SEMA3B: variants seen among roughly 807,000 people sequenced by gnomAD.
SEMA3B encodes semaphorin-3B.
A neutral mutation model predicts 77.8 loss-of-function variants in SEMA3B; 71 were observed. The ratio of observed to expected loss-of-function variants is 0.91; its 90% CI spans 0.75 to 1.11. SEMA3B has a LOEUF of 1.11. Among genes scored for constraint, SEMA3B ranks in the 50% most tolerant of loss-of-function variants. The probability of loss-of-function intolerance (pLI) is 0.00; values close to 1 mark genes in which losing one functional copy is unlikely to be tolerated. For missense variants in SEMA3B, 968 were observed against 1,056.8 expected (o/e 0.92, Z 1.17); for synonymous variants, 470 against 452.9 (o/e 1.04, Z -0.48).
chr3:50,269,192 C>T lies in SEMA3B; in HGVS notation c.-49C>T, dbSNP rs1553704891. ...GGGCAGAGTCCAGGGCAGCTCAAGG[C>T]TCCTCCACACACACACCCGCTGAAC... On this transcript the variant is annotated 5_prime_UTR_variant, in exon 1 of 17. Transcript: ENST00000616701. This position sits in a 1 kb window ranked among gnomAD's most constrained non-coding sequence, Gnocchi z 4.0. The T allele has an allele frequency of 1.5e-6, 2 of 1,361,434 alleles. No individual in the cohort carries two copies. The highest frequency in any genetic ancestry group is 1.4e-5 in the African/African-American group (1 of 69,784). The allele number at this position is 1,361,434 out of a possible 1,614,324, so 84.3% of individuals were successfully genotyped here. A position where few individuals can be genotyped will look rare whatever the true frequency, so the allele number is the denominator to read the frequency against.
In SEMA3B at chr3:50,276,573, C is replaced by G; in HGVS notation, c.2117C>G (p.Ser706Cys). The G allele has an allele frequency of 6.5e-7, 1 of 1,549,536 alleles. No homozygotes were observed. Among genetic ancestry groups the G allele is most frequent in the Non-Finnish European group, 8.7e-7 (1 of 1,152,966 alleles). The change falls in exon 17 of 17, where the codon TCC becomes TGC. Residue 706 changes from serine to cysteine, a missense_variant. Physicochemically the swap from Ser to Cys is moderately radical, Grantham distance 112. Transcript: ENST00000616701. The surrounding 1 kb of genome is among the most constrained non-coding windows in gnomAD (Gnocchi z 5.8). ...CCGGGCGGAGGTGGCAGCGCGAACT[C>G]CCTGCGCATGTGCCGCCCGCAGCCT... ...VEPGGGGSAN[S>C]LRMCRPQPAL...
chr3:50,275,294 C>G lies in SEMA3B; in HGVS notation c.1492-8C>G. The G allele has an allele frequency of 6.5e-7, 1 of 1,542,710 alleles. No individual in the cohort carries two copies. On this transcript the variant is annotated splice_region_variant and splice_polypyrimidine_tract_variant and intron_variant, in intron 13 of 16. Coordinates refer to ENST00000616701, the MANE Select transcript of SEMA3B (RefSeq NM_001290060.2). This position sits in a 1 kb window ranked among gnomAD's most constrained non-coding sequence, Gnocchi z 7.5. The stretch of plus-strand genomic sequence containing the variant: ...CTCGGTCAGCCCAGAGCCCCTCGTG[C>G]CCCCTAGCACCAGCTGTACGTAGCC...
chr3:50,269,200 C>A lies in SEMA3B; in HGVS notation c.-41C>A. On this transcript the variant is annotated 5_prime_UTR_variant, in exon 1 of 17. Transcript: ENST00000616701. This position sits in a 1 kb window ranked among gnomAD's most constrained non-coding sequence, Gnocchi z 4.0. ...TCCAGGGCAGCTCAAGGCTCCTCCA[C>A]ACACACACCCGCTGAACCCTGAGCA... The A allele has an allele frequency of 7.0e-7, 1 of 1,434,380 alleles. No individual in the cohort carries two copies. The highest frequency in any genetic ancestry group is 9.5e-7 in the Non-Finnish European group (1 of 1,054,298). 88.9% of individuals were successfully genotyped at this position (1,434,380 alleles called of 1,614,324 possible).
At chr3:50,268,893 T>C, upstream of SEMA3B, 2 of 299,642 alleles carry the variant, frequency 6.7e-6, no homozygotes, top group South Asian at 3.9e-5. Flanking sequence ...ACATTGTGAA[T>C]TAATGTCTGT....
rs782242277 is a variant in SEMA3B at position 50,276,397 on chromosome 3, C to G, written c.1941C>G (p.Val647=). The change falls in exon 17 of 17, where the codon GTC becomes GTG. Residue 647 remains valine, a synonymous_variant. Transcript: ENST00000616701. The surrounding 1 kb of genome is among the most constrained non-coding windows in gnomAD (Gnocchi z 5.8). ...CGGGCGTGTACTTGTGCGCCGCCGT[C>G]GAGCAGGGCTTTACGCAACCGCTGC... The part of the protein sequence containing the change: ...RDSGVYLCAA[V]EQGFTQPLRR... 7.8e-6 allele frequency: 12 copies of G among 1,536,510 alleles called. No homozygotes were observed. Among genetic ancestry groups the G allele is most frequent in the East Asian group, 2.5e-5 (1 of 40,766 alleles).
In SEMA3B at chr3:50,275,240, G is replaced by T; in HGVS notation, c.1492-62G>T. On this transcript the variant is annotated intron_variant, in intron 13 of 16. Coordinates refer to ENST00000616701, the MANE Select transcript of SEMA3B (RefSeq NM_001290060.2). The surrounding 1 kb of genome is among the most constrained non-coding windows in gnomAD (Gnocchi z 7.5). ...CTGTCGAGTGGAAGAAGGGATCCCT[G>T]ACCGATGGGAGGCAGGCGTGGGGTC... 6.8e-7 allele frequency: 1 copy of T among 1,473,486 alleles called. No individual in the cohort carries two copies. The allele number at this position is 1,473,486 out of a possible 1,614,324, so 91.3% of individuals were successfully genotyped here. A position where few individuals can be genotyped will look rare whatever the true frequency, so the allele number is the denominator to read the frequency against.
chr3:50,275,413 GC>G lies in SEMA3B; in HGVS notation c.1605del (p.Trp536GlyfsTer22). The G allele has an allele frequency of 5.6e-6, 9 of 1,600,768 alleles. No homozygotes were observed. The highest frequency in any genetic ancestry group is 7.7e-6 in the Non-Finnish European group (9 of 1,173,874). ...CTGTCTGGCGCGTGACCCCTACTGC[GC>G]CTGGGACGGGGTCGCGTGCACGCGC... ...ECCLARDPYC[A>X]WDGVACTRFQ... On this transcript the variant is annotated frameshift_variant, in exon 14 of 17. Coordinates refer to ENST00000616701, the MANE Select transcript of SEMA3B (RefSeq NM_001290060.2). LOFTEE classifies it high-confidence loss of function. This position sits in a 1 kb window ranked among gnomAD's most constrained non-coding sequence, Gnocchi z 7.5.
upstream of SEMA3B, among the ~76,000 whole-genome samples, chr3:50,265,766 T>C (rs116733481): frequency 5.2e-3 from 796 of 152,266 alleles, 8 homozygotes; most frequent in African/African-American, 0.018. Flanking sequence ...GGCAGTGACC[T>C]TGCTCCTGGA....
At position 50,274,104 on chromosome 3, in the gene SEMA3B, G is replaced by C; in HGVS notation, c.1137+47G>C. 6.3e-7 allele frequency: 1 copy of C among 1,590,062 alleles called. No homozygotes were observed. The highest frequency in any genetic ancestry group is 8.5e-7 in the Non-Finnish European group (1 of 1,172,808). On this transcript the variant is annotated intron_variant, in intron 10 of 16. Transcript: ENST00000616701. The surrounding 1 kb of genome is among the most constrained non-coding windows in gnomAD (Gnocchi z 4.7). ...GCTACAACCCACTTCAAAGCCTCAA[G>C]GGTTTGAGAACTTGGCCTGGGGTCT... is the stretch of plus-strand genomic sequence containing the variant.
rs1701104004 is a variant in SEMA3B at position 50,273,158 on chromosome 3, A to G, written c.665-140A>G. ...TCGGTCCGCGCAGAGCGCCAACTGG[A>G]CATGGTGCTAGAGGTTGGGTGGTCA... On this transcript the variant is annotated intron_variant, in intron 6 of 16. Coordinates refer to ENST00000616701, the MANE Select transcript of SEMA3B (RefSeq NM_001290060.2). The surrounding 1 kb of genome is among the most constrained non-coding windows in gnomAD (Gnocchi z 6.5). 5 of 1,293,536 alleles carry G rather than the reference A, an allele frequency of 3.9e-6. No individual in the cohort carries two copies. In the Admixed American group the frequency reaches 8.4e-5, roughly 22 times the overall value. The allele number at this position is 1,293,536 out of a possible 1,614,324, so 80.1% of individuals were successfully genotyped here. A position where few individuals can be genotyped will look rare whatever the true frequency, so the allele number is the denominator to read the frequency against.
In SEMA3B at chr3:50,271,427, T is replaced by C; in HGVS notation, c.611T>C (p.Leu204Pro). 6.3e-7 allele frequency: 1 copy of C among 1,587,568 alleles called. No individual in the cohort carries two copies. The highest frequency in any genetic ancestry group is 8.6e-7 in the Non-Finnish European group (1 of 1,167,060). The change falls in exon 6 of 17, where the codon CTA becomes CCA. Residue 204 changes from leucine to proline, a missense_variant. Leu to Pro is a moderately conservative substitution (Grantham distance 98, BLOSUM62 -3). Coordinates refer to ENST00000616701, the MANE Select transcript of SEMA3B (RefSeq NM_001290060.2). ...MGRDFTIFRS[L>P]GQRPSLRTEP... ...CGAGACTTTACCATCTTTCGCAGCC[T>C]AGGGCAACGTCCAAGTCTCCGAACA...
Position 50,275,031 on chromosome 3 carries a change from G to A in SEMA3B, c.1469G>A (p.Ser490Asn), listed in dbSNP as rs782282997. The A allele has an allele frequency of 2.5e-6, 4 of 1,580,904 alleles. No homozygotes were observed. The South Asian group carries it at 4.5e-5, about 18-fold the overall frequency. Residue 490 changes from serine to asparagine, a missense_variant, in exon 13 of 17, where the codon AGC (serine) becomes AAC (asparagine). By Grantham distance (46) the Ser-to-Asn change is conservative. Transcript: ENST00000616701. The surrounding 1 kb of genome is among the most constrained non-coding windows in gnomAD (Gnocchi z 7.5). ...HVFEDSAAVT[S>N]MQISSKRHQL... Reference sequence around the variant, plus strand: ...TCTCAGGACTCGGCCGCTGTCACCAGCATGCAAATTTCTTCCAAGAGGGTG... The same window carrying A: ...TCTCAGGACTCGGCCGCTGTCACCAACATGCAAATTTCTTCCAAGAGGGTG...
In SEMA3B at chr3:50,269,383, T is replaced by C; in HGVS notation, c.109+34T>C. On this transcript the variant is annotated intron_variant, in intron 1 of 16. Transcript: ENST00000616701. The surrounding 1 kb of genome is among the most constrained non-coding windows in gnomAD (Gnocchi z 4.0). ...ACCTGGCAGGCGGGAGGGCCCAGCT[T>C]GAGGTGGGCAGGAAAGGGTCCCCGT... The C allele has an allele frequency of 7.7e-7, 1 of 1,299,380 alleles. No homozygotes were observed. Among genetic ancestry groups the C allele is most frequent in the Non-Finnish European group, 1.0e-6 (1 of 962,624 alleles). 80.5% of individuals were successfully genotyped at this position (1,299,380 alleles called of 1,614,324 possible). A position where few individuals can be genotyped will look rare whatever the true frequency, so the allele number is the denominator to read the frequency against.
chr3:50,271,616 TCA>T, intron 6 of SEMA3B, 136 bp downstream of exon 6: 2 of 1,280,004 alleles, frequency 1.6e-6, no homozygotes, highest in Non-Finnish European at 2.1e-6. Context: ...GGCACTGGCG[TCA>T]CAGAGACAGA....
chr3:50,264,871 C>T (rs1324353551), upstream of SEMA3B, among the ~76,000 whole-genome samples: 4 of 152,046 alleles, frequency 2.6e-5, no homozygotes, highest in Non-Finnish European at 4.4e-5. Flanking sequence ...GGGGGGCTCC[C>T]GCATCCCAGA....
upstream of SEMA3B, among the ~76,000 whole-genome samples, chr3:50,264,698 G>C (rs959641051): frequency 1.8e-4 from 27 of 152,224 alleles, no homozygotes; most frequent in African/African-American, 6.5e-4. Flanking sequence ...TGTGCCCTCA[G>C]AGTCCACTTT....
rs371764580 is a variant in SEMA3B, at chr3:50,273,478, C to A, written c.810+35C>A. 1.1e-5 allele frequency: 18 copies of A among 1,609,930 alleles called. No individual in the cohort carries two copies. The highest frequency in any genetic ancestry group is 1.2e-5 in the Non-Finnish European group (14 of 1,177,114). ...CCCTGGGCCACACCCGGCGACCCTG[C>A]CCCTACCCCTTTGCCTGCCCTGGTC... On this transcript the variant is annotated intron_variant, in intron 7 of 16. Coordinates refer to ENST00000616701, the MANE Select transcript of SEMA3B (RefSeq NM_001290060.2). This position sits in a 1 kb window ranked among gnomAD's most constrained non-coding sequence, Gnocchi z 6.5.
Position 50,270,610 on chromosome 3 carries a change from G to GA in SEMA3B, c.330+116dup. On this transcript the variant is annotated intron_variant, in intron 3 of 16. Coordinates refer to ENST00000616701, the MANE Select transcript of SEMA3B (RefSeq NM_001290060.2). This position sits in a 1 kb window ranked among gnomAD's most constrained non-coding sequence, Gnocchi z 4.7. Reference sequence around the variant, plus strand: ...TGGCTGGGATGAGGGCAGGGAGGTCGAGGTGGCTGAGGTCTGGGGGTGGTG... The same window carrying GA: ...TGGCTGGGATGAGGGCAGGGAGGTCGAAGGTGGCTGAGGTCTGGGGGTGGTG... The GA allele has an allele frequency of 7.1e-7, 1 of 1,408,722 alleles. No homozygotes were observed. The allele number at this position is 1,408,722 out of a possible 1,614,324, so 87.3% of individuals were successfully genotyped here.
Position 50,273,978 on chromosome 3 carries a change from G to T in SEMA3B, c.1058G>T (p.Gly353Val). ...AACGACGTGCGCCGGGCCTTCTTGG[G>T]ACCCTTTGCACACAAGGAGGGGCCC... ...SMNDVRRAFLGPFAHKEGPMH... is the reference protein window; with the variant it reads ...SMNDVRRAFLVPFAHKEGPMH... The change falls in exon 10 of 17, where the codon GGA becomes GTA. Residue 353 changes from glycine (G) to valine (V), a missense_variant. Coordinates refer to ENST00000616701, the MANE Select transcript of SEMA3B (RefSeq NM_001290060.2). This position sits in a 1 kb window ranked among gnomAD's most constrained non-coding sequence, Gnocchi z 6.5. The T allele has an allele frequency of 6.2e-7, 1 of 1,613,838 alleles. No individual in the cohort carries two copies. Among genetic ancestry groups the T allele is most frequent in the Non-Finnish European group, 8.5e-7 (1 of 1,179,796 alleles).
Sources: gnomAD v4.1 joint callset for allele counts (sites outside exome capture counted in the v4.1 genomes callset) on GRCh38, gnomAD v4.1.1 for gene constraint, Gnocchi (gnomAD v3.1) non-coding constraint, MANE v1.5 for transcripts, NCBI Gene and HGNC (gene_info 2026-07-23, HGNC 2026-07-21) for gene names.